PEX3: variants seen among roughly 807,000 people sequenced by gnomAD.
PEX3 encodes the protein peroxisomal biogenesis factor 3.
PEX3 carries 30 observed loss-of-function variants against 55.8 expected under a neutral mutation model. The ratio of observed to expected loss-of-function variants is 0.54; its 90% CI spans 0.40 to 0.73. The LOEUF (loss-of-function observed/expected upper bound fraction) is 0.73. Ranked by LOEUF, PEX3 falls within the 30% of genes least tolerant of loss-of-function variation. The pLI is 0.00. For missense variants in PEX3, 351 were observed against 432.8 expected, an observed-to-expected ratio of 0.81 and a Z score of 1.68; for synonymous variants, 135 against 148.4, an observed-to-expected ratio of 0.91 and a Z score of 0.66.
Position 143,450,835 on chromosome 6 carries a change from G to T in PEX3, c.-208G>T, listed in dbSNP as rs1342204294. ...GCGGCGGCGGCTGCGCGGCGGCAGC[G>T]GCAGAAAGCGTAGCTGCTTTGCTGT... On this transcript the variant is annotated 5_prime_UTR_variant, in exon 1 of 12. Coordinates refer to ENST00000367591, the MANE Select transcript of PEX3 (RefSeq NM_003630.3). 11 of 757,204 alleles carry T rather than the reference G, an allele frequency of 1.5e-5. No homozygotes were observed. The South Asian group carries it at 1.6e-4, about 11-fold the overall frequency. The allele number at this position is 757,204 out of a possible 1,614,324, so 46.9% of individuals were successfully genotyped here. A position where few individuals can be genotyped will look rare whatever the true frequency, so the allele number is the denominator to read the frequency against.
At position 143,462,860 on chromosome 6, in the gene PEX3, A is replaced by AT; in HGVS notation, c.206-56_206-55insT. On this transcript the variant is annotated intron_variant, in intron 2 of 11. Transcript: ENST00000367591. This position sits in a 1 kb window ranked among gnomAD's most constrained non-coding sequence, Gnocchi z 4.1. ...TAGCCTAAAACAATGCGCATTTCTT[A>AT]GTGAGGGCAGTCATATCACTTGTGA... 1 of 1,287,140 alleles carries AT rather than the reference A, an allele frequency of 7.8e-7. No individual in the cohort carries two copies. The highest frequency in any genetic ancestry group is 1.7e-5 in the Admixed American group (1 of 59,322). 79.7% of individuals were successfully genotyped at this position (1,287,140 alleles called of 1,614,324 possible).
chr6:143,457,743 CAG>C (rs970790012), intron 1 of PEX3, among the ~76,000 whole-genome samples: 4 of 152,160 alleles, frequency 2.6e-5, no homozygotes, highest in Admixed American at 2.6e-4. Flanking sequence ...TACTGGCAAA[CAG>C]AGATTAAAAG....
rs1779978891 is a variant in PEX3, at chr6:143,465,421, G to C, written c.287+2424G>C. On this transcript the variant is annotated intron_variant, in intron 3 of 11. Transcript: ENST00000367591. This position sits in a 1 kb window ranked among gnomAD's most constrained non-coding sequence, Gnocchi z 4.7. ...CATCCCAAATAAAATACAGTTTTTT[G>C]TTCGTTTGGTTTTGGTTTTTTTTTA... is the stretch of plus-strand genomic sequence containing the variant. Among the ~76,000 whole-genome samples, 1 of 151,690 alleles carries C rather than the reference G, an allele frequency of 6.6e-6. No individual in the cohort carries two copies. The highest frequency in any genetic ancestry group is 1.5e-5 in the Non-Finnish European group (1 of 67,806).
Position 143,483,376 on chromosome 6 carries a change from C to T in PEX3, c.942-1776C>T, listed in dbSNP as rs1316339929. Among the ~76,000 whole-genome samples the T allele has an allele frequency of 6.6e-6, 1 of 152,084 alleles. No individual in the cohort carries two copies. The highest frequency in any genetic ancestry group is 1.5e-5 in the Non-Finnish European group (1 of 68,000). On this transcript the variant is annotated intron_variant, in intron 10 of 11. Coordinates refer to ENST00000367591, the MANE Select transcript of PEX3 (RefSeq NM_003630.3). The surrounding 1 kb of genome is among the most constrained non-coding windows in gnomAD (Gnocchi z 4.3). ...ATTTAAACAAAAGTAGACAGTCAAGCAGTTTTCCTGAGGAAATAATTTGAA... is the reference window on the plus strand; with the variant it reads ...ATTTAAACAAAAGTAGACAGTCAAGTAGTTTTCCTGAGGAAATAATTTGAA...
chr6:143,466,500 T>C lies in PEX3; in HGVS notation c.288-1622T>C, dbSNP rs1305264789. On this transcript the variant is annotated intron_variant, in intron 3 of 11. Coordinates refer to ENST00000367591, the MANE Select transcript of PEX3 (RefSeq NM_003630.3). The surrounding 1 kb of genome is among the most constrained non-coding windows in gnomAD (Gnocchi z 5.4). ...ATATTACGGTTGTGCTATTTTATTG[T>C]GAGTTATTGTTGTTAATTTTTTACA... is the stretch of plus-strand genomic sequence containing the variant. Among the ~76,000 whole-genome samples the C allele has an allele frequency of 6.6e-6, 1 of 152,092 alleles. No individual in the cohort carries two copies. Among genetic ancestry groups the C allele is most frequent in the Non-Finnish European group, 1.5e-5 (1 of 67,964 alleles).
At chr6:143,468,048 G>T (rs1780014896) in intron 3 of PEX3, 74 bp from the exon 4 acceptor site, 13 of 807,264 alleles carry the variant, frequency 1.6e-5, no homozygotes, top group Non-Finnish European at 2.6e-5. Flanking sequence ...AGTAAAAATA[G>T]ATCTATAAAA....
rs1780207425 is a variant in PEX3, at chr6:143,479,823, A to G, written c.941+625A>G. ...TCCCAACACAAATATCTTTGGTCTC[A>G]TATTAGAATTTATACTCTTTAAGGA... On this transcript the variant is annotated intron_variant, in intron 10 of 11. Transcript: ENST00000367591. This position sits in a 1 kb window ranked among gnomAD's most constrained non-coding sequence, Gnocchi z 4.6. Among the ~76,000 whole-genome samples the G allele has an allele frequency of 2.0e-5, 3 of 152,182 alleles. No individual in the cohort carries two copies. The highest frequency in any genetic ancestry group is 7.2e-5 in the African/African-American group (3 of 41,560).
Position 143,482,621 on chromosome 6 carries a change from A to G in PEX3, c.942-2531A>G, listed in dbSNP as rs1055286018. On this transcript the variant is annotated intron_variant, in intron 10 of 11. Transcript: ENST00000367591. This position sits in a 1 kb window ranked among gnomAD's most constrained non-coding sequence, Gnocchi z 5.5. Reference sequence around the variant, plus strand: ...TGGATATGCTTTTCCTATATAATATATAATATAAGGTATAATTATTGTTAC... The same window carrying G: ...TGGATATGCTTTTCCTATATAATATGTAATATAAGGTATAATTATTGTTAC... Among the ~76,000 whole-genome samples the G allele has an allele frequency of 1.3e-4, 19 of 151,912 alleles. No individual in the cohort carries two copies. The highest frequency in any genetic ancestry group is 4.6e-4 in the African/African-American group (19 of 41,396).
intron 9 of PEX3, 33 bp downstream of exon 9, chr6:143,474,889 T>C: frequency 9.1e-7 from 1 of 1,102,176 alleles, no homozygotes; most frequent in Non-Finnish European, 1.4e-6. Flanking sequence ...GAAAAATATG[T>C]GTGTATGTTG....
At chr6:143,484,654 A>T (rs1349769411) in intron 10 of PEX3, among the ~76,000 whole-genome samples, 1 of 152,066 alleles carries the variant, frequency 6.6e-6, no homozygotes, top group Non-Finnish European at 1.5e-5. Flanking sequence ...TTGGATGTTG[A>T]AAGAAGGCAT....
chr6:143,471,541 G>GT lies in PEX3; in HGVS notation c.524-10dup. 1.2e-6 allele frequency: 2 copies of GT among 1,607,320 alleles called. No individual in the cohort carries two copies. Among genetic ancestry groups the GT allele is most frequent in the Non-Finnish European group, 1.7e-6 (2 of 1,174,340 alleles). ...TAAACTAAGCAAGGCTTTTAGGTTT[G>GT]TTTTTTCTTTAATAGGCCTGACAGA... On this transcript the variant is annotated splice_polypyrimidine_tract_variant and intron_variant, in intron 6 of 11. Coordinates refer to ENST00000367591, the MANE Select transcript of PEX3 (RefSeq NM_003630.3). This position sits in a 1 kb window ranked among gnomAD's most constrained non-coding sequence, Gnocchi z 5.4.
chr6:143,481,646 G>C (rs1269401441), intron 10 of PEX3, among the ~76,000 whole-genome samples: 1 of 152,014 alleles, frequency 6.6e-6, no homozygotes, highest in Non-Finnish European at 1.5e-5. Context: ...CAGTGTTGCT[G>C]AAAAGACATT....
At chr6:143,470,109 C>T (rs548962981) in intron 4 of PEX3, among the ~76,000 whole-genome samples, 1 of 152,142 alleles carries the variant, frequency 6.6e-6, no homozygotes, top group East Asian at 1.9e-4. Context: ...GCTGCCATGC[C>T]CAGCTAATTT....
At position 143,459,855 on chromosome 6, in the gene PEX3, A is replaced by T. The variant is rs568377258; in HGVS notation, c.205+639A>T. 2.0e-5 allele frequency among the ~76,000 whole-genome samples: 3 copies of T among 152,340 alleles called. No homozygotes were observed. The South Asian group carries it at 6.2e-4, about 32-fold the overall frequency. ...TATTAAATTTACAGTAGGCAACTAT[A>T]GACCTGTGAGTCGTCCACAATAGTA... is the stretch of plus-strand genomic sequence containing the variant. On this transcript the variant is annotated intron_variant, in intron 2 of 11. Coordinates refer to ENST00000367591, the MANE Select transcript of PEX3 (RefSeq NM_003630.3). The surrounding 1 kb of genome is among the most constrained non-coding windows in gnomAD (Gnocchi z 4.2).
rs73580305 is a variant in PEX3 at position 143,451,541 on chromosome 6, A to G, written c.73+426A>G. The stretch of plus-strand genomic sequence containing the variant: ...ATAATAATCTAGGGAAGTTACCTAT[A>G]GGCTGCACTTCGGGTGGTGGTTAAA... On this transcript the variant is annotated intron_variant, in intron 1 of 11. Transcript: ENST00000367591. The surrounding 1 kb of genome is among the most constrained non-coding windows in gnomAD (Gnocchi z 4.1). 2.4e-3 allele frequency among the ~76,000 whole-genome samples: 368 copies of G among 152,356 alleles called. 2 individuals are homozygous for G. The highest frequency in any genetic ancestry group is 8.7e-3 in the African/African-American group (360 of 41,580).
intron 8 of PEX3, among the ~76,000 whole-genome samples, chr6:143,472,985 G>C (rs529937795): frequency 6.6e-6 from 1 of 152,318 alleles, no homozygotes; most frequent in African/African-American, 2.4e-5. Flanking sequence ...AGAAATGCCA[G>C]ATTGCAGGTT....
rs1169308104 is a variant in PEX3, at chr6:143,458,799, A to C, written c.74-286A>C. ...CAATTCTCCATTGCTGGACATGTAG[A>C]ATATCTCTAGTCTACTAGTAAAGGC... On this transcript the variant is annotated intron_variant, in intron 1 of 11. Coordinates refer to ENST00000367591, the MANE Select transcript of PEX3 (RefSeq NM_003630.3). This position sits in a 1 kb window ranked among gnomAD's most constrained non-coding sequence, Gnocchi z 6.1. Among the ~76,000 whole-genome samples the C allele has an allele frequency of 6.6e-6, 1 of 152,216 alleles. No individual in the cohort carries two copies. The highest frequency in any genetic ancestry group is 1.5e-5 in the Non-Finnish European group (1 of 68,034).
intron 10 of PEX3, among the ~76,000 whole-genome samples, chr6:143,480,254 C>G (rs12204971): frequency 3.3e-5 from 5 of 152,086 alleles, no homozygotes; most frequent in African/African-American, 4.8e-5. Context: ...CTGTATAAAT[C>G]AAGGTGCTCC....
Position 143,462,801 on chromosome 6 carries a change from C to A in PEX3, c.206-115C>A. On this transcript the variant is annotated intron_variant, in intron 2 of 11. Coordinates refer to ENST00000367591, the MANE Select transcript of PEX3 (RefSeq NM_003630.3). This position sits in a 1 kb window ranked among gnomAD's most constrained non-coding sequence, Gnocchi z 4.1. ...TTGAATCGTCTAGCCCTGACTTTCC[C>A]TTCTGACTCTTGCTAGTTGCTAGCC... is the stretch of plus-strand genomic sequence containing the variant. 1 of 766,452 alleles carries A rather than the reference C, an allele frequency of 1.3e-6. No individual in the cohort carries two copies. The highest frequency in any genetic ancestry group is 2.6e-5 in the East Asian group (1 of 38,960). The allele number at this position is 766,452 out of a possible 1,614,324, so 47.5% of individuals were successfully genotyped here. A position where few individuals can be genotyped will look rare whatever the true frequency, so the allele number is the denominator to read the frequency against.
Sources: allele counts gnomAD v4.1 joint callset (sites outside exome capture counted in the v4.1 genomes callset), GRCh38; gene constraint gnomAD v4.1.1; non-coding constraint Gnocchi (gnomAD v3.1); transcripts MANE v1.5; gene names NCBI Gene and HGNC (gene_info 2026-07-23, HGNC 2026-07-21).